Variants in CSMD1 observed in about 807,000 individuals in gnomAD.
CSMD1 encodes CUB and Sushi multiple domains 1, also known as CUB and sushi domain-containing protein 1.
A neutral mutation model predicts 417.5 loss-of-function variants in CSMD1; 213 were observed. The observed-to-expected ratio is 0.51, with a 90% CI of 0.46 to 0.57. The LOEUF is 0.57. CSMD1 is among the 20% of genes least tolerant of loss of function. The probability of loss-of-function intolerance (pLI) is 0.00; values close to 1 mark genes in which losing one functional copy is unlikely to be tolerated. For synonymous variants in CSMD1, 2,862 were observed against 1,736.8 expected (o/e 1.65, Z -16.11); for missense variants, 6,923 against 4,529.7 (o/e 1.53, Z -15.17).
chr8:4,403,994 CCAAT>C (rs1804837793), intron 3 of CSMD1, among the ~76,000 whole-genome samples: 3 of 152,188 alleles, frequency 2.0e-5, no homozygotes, highest in South Asian at 4.1e-4. Context: ...CTCAGGTCAA[CCAAT>C]CAATTAGCAA....
At chr8:3,056,883 C>A (rs1309433357) in intron 49 of CSMD1, among the ~76,000 whole-genome samples, 1 of 151,822 alleles carries the variant, frequency 6.6e-6, no homozygotes, top group East Asian at 1.9e-4. Flanking sequence ...AAATGCTAAT[C>A]AAAATTGTAA....
At chr8:4,871,296 A>C (rs546369351) in intron 1 of CSMD1, among the ~76,000 whole-genome samples, 4 of 152,230 alleles carry the variant, frequency 2.6e-5, no homozygotes, top group Admixed American at 2.6e-4. Context: ...ACTGCAATGC[A>C]CTTCTTGCCT....
chr8:4,599,787 G>A (rs1800488242), intron 2 of CSMD1, among the ~76,000 whole-genome samples: 1 of 152,174 alleles, frequency 6.6e-6, no homozygotes, highest in Non-Finnish European at 1.5e-5. Context: ...AGTGGATACT[G>A]TAAGCCAAGT....
intron 2 of CSMD1, among the ~76,000 whole-genome samples, chr8:4,606,756 G>C (rs974954850): frequency 1.3e-5 from 2 of 152,116 alleles, no homozygotes; most frequent in Non-Finnish European, 2.9e-5. Context: ...CTTTTATGAA[G>C]GGATAGTAAA....
chr8:4,349,981 A>G (rs1800996484), intron 3 of CSMD1, among the ~76,000 whole-genome samples: 1 of 152,136 alleles, frequency 6.6e-6, no homozygotes, highest in Non-Finnish European at 1.5e-5. Context: ...AAGGGATCCA[A>G]AGTAATAGCT....
At chr8:4,103,046 G>A (rs1252012329) in intron 3 of CSMD1, among the ~76,000 whole-genome samples, 1 of 152,148 alleles carries the variant, frequency 6.6e-6, no homozygotes, top group Non-Finnish European at 1.5e-5. Context: ...CAGCGGGTCA[G>A]AGAATTATGT....
intron 41 of CSMD1, among the ~76,000 whole-genome samples, chr8:3,136,522 C>G (rs1274447640): frequency 6.6e-6 from 1 of 152,118 alleles, no homozygotes; most frequent in African/African-American, 2.4e-5. Context: ...ACCTCGGCCT[C>G]CCAAAGTGCT....
intron 3 of CSMD1, among the ~76,000 whole-genome samples, chr8:4,280,623 A>G (rs1796728890): frequency 6.6e-6 from 1 of 152,236 alleles, no homozygotes; most frequent in South Asian, 2.1e-4. Flanking sequence ...TATGTTGATA[A>G]TAACTTTGTA....
chr8:3,343,797 T>G (rs1807813243), intron 22 of CSMD1, among the ~76,000 whole-genome samples: 2 of 152,172 alleles, frequency 1.3e-5, no homozygotes, highest in Non-Finnish European at 1.5e-5. Flanking sequence ...AGTTCAGTTA[T>G]AAAAGTAAAA....
At chr8:3,920,331 G>T (rs916730739) in intron 5 of CSMD1, among the ~76,000 whole-genome samples, 1 of 151,550 alleles carries the variant, frequency 6.6e-6, no homozygotes. Context: ...CACCGTACGT[G>T]CCCTATTTTT....
At chr8:3,452,473 T>A (rs776931535) in intron 12 of CSMD1, among the ~76,000 whole-genome samples, 2 of 152,220 alleles carry the variant, frequency 1.3e-5, no homozygotes, top group Non-Finnish European at 2.9e-5. Context: ...TAGGTTTTAT[T>A]ATTTTGACAT....
chr8:3,625,857 T>G (rs1796464115), intron 7 of CSMD1, among the ~76,000 whole-genome samples: 1 of 152,144 alleles, frequency 6.6e-6, no homozygotes. Flanking sequence ...AAGTAGATTT[T>G]TCATAAGGGC....
chr8:4,813,699 C>A (rs1215649614), intron 1 of CSMD1, among the ~76,000 whole-genome samples: 2 of 152,138 alleles, frequency 1.3e-5, no homozygotes, highest in Non-Finnish European at 2.9e-5. Flanking sequence ...ATTCAAGAAT[C>A]CTCAGTAATT....
chr8:3,849,855 G>A (rs117454826), intron 5 of CSMD1, among the ~76,000 whole-genome samples: 4,098 of 151,800 alleles, frequency 0.027, 77 homozygotes, highest in African/African-American at 0.059. Context: ...TCGCTCTGTC[G>A]CCCAGGCTGT....
chr8:3,192,447 C>A (rs1167386163), intron 33 of CSMD1, among the ~76,000 whole-genome samples: 1 of 152,154 alleles, frequency 6.6e-6, no homozygotes, highest in Admixed American at 6.5e-5. Flanking sequence ...ACCTTCTACA[C>A]GTGCTTTATC....
chr8:3,662,827 A>T lies in CSMD1; in HGVS notation c.1009+45587T>A, dbSNP rs776753522. ...CACAGGGAGGGGAACATCACACACCAGGGCCTGTCGGTGGGTAGGGGGAAA... is the reference window on the plus strand; with the variant it reads ...CACAGGGAGGGGAACATCACACACCTGGGCCTGTCGGTGGGTAGGGGGAAA... On this transcript the variant is annotated intron_variant, in intron 7 of 69. Coordinates refer to ENST00000635120, the MANE Select transcript of CSMD1 (RefSeq NM_033225.6). Among the ~76,000 whole-genome samples, 5 of 151,892 alleles carry T rather than the reference A, an allele frequency of 3.3e-5. No individual in the cohort carries two copies. In the East Asian group the frequency reaches 9.7e-4, roughly 30 times the overall value.
In CSMD1 at chr8:3,575,741, T is replaced by A. The variant is rs971407673; in HGVS notation, c.1223-675A>T. Among the ~76,000 whole-genome samples, 5 of 152,106 alleles carry A rather than the reference T, an allele frequency of 3.3e-5. No individual in the cohort carries two copies. In the South Asian group the frequency reaches 1.0e-3, roughly 32 times the overall value. ...TTAAAAATAAAAAAAATCTTAAAGT[T>A]GAAATGAAAGACTGAGTGAAGCATA... On this transcript the variant is annotated intron_variant, in intron 9 of 69. Coordinates refer to ENST00000635120, the MANE Select transcript of CSMD1 (RefSeq NM_033225.6).
intron 1 of CSMD1, among the ~76,000 whole-genome samples, chr8:4,688,471 G>A (rs906116837): frequency 2.0e-5 from 3 of 152,226 alleles, no homozygotes; most frequent in East Asian, 1.9e-4. Flanking sequence ...GCAGGCGTAA[G>A]CACTTGTATG....
In CSMD1 at chr8:4,010,991, C is replaced by A. The variant is rs78253980; in HGVS notation, c.611-12881G>T. ...ACTTTCTGTATCTGTTCACTGCTCC[C>A]TTTCTGGGGGATGACTGTTTCATGC... On this transcript the variant is annotated intron_variant, in intron 4 of 69. Coordinates refer to ENST00000635120, the MANE Select transcript of CSMD1 (RefSeq NM_033225.6). Among the ~76,000 whole-genome samples, 461 of 152,300 alleles carry A rather than the reference C, an allele frequency of 3.0e-3. 12 individuals carry two copies. The East Asian group carries it at 0.056, about 19-fold the overall frequency.
Sources: allele counts gnomAD v4.1 joint callset (sites outside exome capture counted in the v4.1 genomes callset), GRCh38; gene constraint gnomAD v4.1.1; transcripts MANE v1.5; gene names NCBI Gene and HGNC (gene_info 2026-07-23, HGNC 2026-07-21).